Variants in RARB observed in about 807,000 individuals in gnomAD.
The protein encoded by RARB is retinoic acid receptor beta.
In RARB, 17 loss-of-function variants were observed where a neutral mutation model predicts 51.9. The observed-to-expected ratio is 0.33, with a 90% CI of 0.22 to 0.49. RARB has a LOEUF of 0.49. RARB is among the 20% of genes least tolerant of loss of function. The probability of loss-of-function intolerance (pLI) is 0.99; values close to 1 mark genes in which losing one functional copy is unlikely to be tolerated. For synonymous variants in RARB, 215 were observed against 195.4 expected, an observed-to-expected ratio of 1.10 and a Z score of -0.84; for missense variants, 369 against 550.8, an observed-to-expected ratio of 0.67 and a Z score of 3.30.
intron 2 of RARB, among the ~76,000 whole-genome samples, chr3:25,494,826 A>T (rs2125596856): frequency 1.3e-5 from 2 of 152,298 alleles, no homozygotes; most frequent in South Asian, 4.1e-4. Flanking sequence ...TTAAACATAG[A>T]ATGTGTATGG....
chr3:25,305,750 A>G (rs978329210), intron 5 of RARB, among the ~76,000 whole-genome samples: 1 of 152,216 alleles, frequency 6.6e-6, no homozygotes, highest in African/African-American at 2.4e-5. Flanking sequence ...GGCCTCAACA[A>G]AAATTTCTTC....
chr3:25,560,028 G>T (rs1274647967), intron 3 of RARB, among the ~76,000 whole-genome samples: 1 of 152,200 alleles, frequency 6.6e-6, no homozygotes, highest in Non-Finnish European at 1.5e-5. Flanking sequence ...TAGGAAAGAA[G>T]GTTATAGTTA....
chr3:24,883,898 T>G (rs1257414943), intron 2 of RARB, among the ~76,000 whole-genome samples: 1 of 152,148 alleles, frequency 6.6e-6, no homozygotes, highest in Non-Finnish European at 1.5e-5. Flanking sequence ...CATATCAAAT[T>G]TCTCATTTTA....
intron 2 of RARB, among the ~76,000 whole-genome samples, chr3:24,958,278 T>G (rs1575091400): frequency 2.1e-5 from 3 of 140,902 alleles, no homozygotes; most frequent in South Asian, 2.4e-4. Flanking sequence ...TTTTTTTTTT[T>G]TTTTTTTTTT....
At chr3:25,062,363 T>A (rs1271959929) in intron 3 of RARB, among the ~76,000 whole-genome samples, 3 of 151,948 alleles carry the variant, frequency 2.0e-5, no homozygotes, top group African/African-American at 7.2e-5. Flanking sequence ...TCTACTCTTA[T>A]TCCTTGTAGA....
intron 2 of RARB, among the ~76,000 whole-genome samples, chr3:24,868,007 T>C (rs1702882070): frequency 6.6e-6 from 1 of 152,134 alleles, no homozygotes; most frequent in Non-Finnish European, 1.5e-5. Context: ...GATTCATCCT[T>C]ACTAAGGAAA....
intron 5 of RARB, among the ~76,000 whole-genome samples, chr3:25,297,508 CATT>C (rs1296713104): frequency 7.2e-6 from 1 of 138,100 alleles, no homozygotes; most frequent in Non-Finnish European, 1.5e-5. Flanking sequence ...AGAGATGTAA[CATT>C]ATATGAATTC....
chr3:24,927,676 T>A (rs1208847487), intron 2 of RARB, among the ~76,000 whole-genome samples: 1 of 152,106 alleles, frequency 6.6e-6, no homozygotes, highest in East Asian at 1.9e-4. Flanking sequence ...ACACTGTTAC[T>A]CATAATTGAT....
intron 5 of RARB, among the ~76,000 whole-genome samples, chr3:25,184,621 T>C (rs1426452483): frequency 6.6e-6 from 1 of 152,164 alleles, no homozygotes; most frequent in African/African-American, 2.4e-5. Flanking sequence ...TTAACCTCTG[T>C]GTGCCATTTT....
chr3:25,077,450 T>C (rs1698893715), intron 3 of RARB, among the ~76,000 whole-genome samples: 1 of 152,186 alleles, frequency 6.6e-6, no homozygotes, highest in Non-Finnish European at 1.5e-5. Context: ...TTTATATAAA[T>C]GAACCTACCC....
chr3:25,043,581 T>A (rs1698154629), intron 2 of RARB, among the ~76,000 whole-genome samples: 1 of 152,262 alleles, frequency 6.6e-6, no homozygotes, highest in Non-Finnish European at 1.5e-5. Context: ...TCTAGAAAGA[T>A]AGCTTATTCC....
chr3:25,064,714 T>C (rs940861546), intron 3 of RARB, among the ~76,000 whole-genome samples: 3 of 152,186 alleles, frequency 2.0e-5, no homozygotes, highest in African/African-American at 4.8e-5. Flanking sequence ...TGAGACCATG[T>C]AGCTAGAAAA....
At chr3:25,366,966 C>T (rs932232719) in intron 5 of RARB, among the ~76,000 whole-genome samples, 1 of 151,944 alleles carries the variant, frequency 6.6e-6, no homozygotes, top group Non-Finnish European at 1.5e-5. Flanking sequence ...GGCAGAATGT[C>T]GTAAAGAAAT....
intron 2 of RARB, among the ~76,000 whole-genome samples, chr3:24,951,850 A>G (rs1444576284): frequency 1.3e-5 from 2 of 152,226 alleles, no homozygotes; most frequent in Non-Finnish European, 2.9e-5. Flanking sequence ...AGGTAACACC[A>G]GTAGGGATTT....
intron 5 of RARB, among the ~76,000 whole-genome samples, chr3:25,395,164 T>G (rs115393826): frequency 0.015 from 2,225 of 152,298 alleles, 60 homozygotes; most frequent in African/African-American, 0.051. Context: ...TTATTAAGCT[T>G]AGTTTCACTG....
At chr3:25,526,362 T>C (rs187780908) in intron 3 of RARB, among the ~76,000 whole-genome samples, 9 of 152,304 alleles carry the variant, frequency 5.9e-5, no homozygotes, top group African/African-American at 9.6e-5. Context: ...GTGTAGCCCA[T>C]TGATAAGTGA....
chr3:25,555,072 G>C (rs555057568), intron 3 of RARB, among the ~76,000 whole-genome samples: 51 of 152,220 alleles, frequency 3.4e-4, no homozygotes, highest in Non-Finnish European at 6.6e-4. Flanking sequence ...ATGAGTTTTA[G>C]AGGGGAAAAA....
rs536289207 is a variant in RARB at position 25,357,581 on chromosome 3, T to G, written c.179-103612T>G. Among the ~76,000 whole-genome samples the G allele has an allele frequency of 2.0e-5, 3 of 152,356 alleles. No homozygotes were observed. In the East Asian group the frequency reaches 5.8e-4, roughly 29 times the overall value. The stretch of plus-strand genomic sequence containing the variant: ...TTTTGGTGTTTTAGTCATGAAGTAT[T>G]TGCCCATGCCTATGTCCTGAATGGT... On this transcript the variant is annotated intron_variant, in intron 5 of 11. Coordinates refer to the RARB transcript ENST00000383772.
intron 5 of RARB, among the ~76,000 whole-genome samples, chr3:25,295,010 C>T (rs756708921): frequency 7.2e-5 from 11 of 152,192 alleles, no homozygotes; most frequent in Admixed American, 2.0e-4. Context: ...GCTTTTTTCT[C>T]GAAAGACAAT....
Sources: gnomAD v4.1 joint callset for allele counts (sites outside exome capture counted in the v4.1 genomes callset) on GRCh38, gnomAD v4.1.1 for gene constraint, MANE v1.5 for transcripts, NCBI Gene and HGNC (gene_info 2026-07-23, HGNC 2026-07-21) for gene names.